Variants in RLN2 observed in about 807,000 individuals in gnomAD.
RLN2 encodes the protein relaxin 2, also known as prorelaxin H2.
Under a neutral mutation model 7.3 loss-of-function variants are expected in RLN2, and 10 were observed. That is an observed-to-expected ratio of 1.36 (90% CI 0.84 to 2.31). The LOEUF (loss-of-function observed/expected upper bound fraction) is 2.31. RLN2 is among the 30% of genes most tolerant of loss of function. The pLI, the probability that RLN2 is intolerant of heterozygous loss-of-function variation, is 0.00. For synonymous variants in RLN2, 103 were observed against 82.3 expected, an observed-to-expected ratio of 1.25 and a Z score of -1.36; for missense variants, 298 against 217.6, an observed-to-expected ratio of 1.37 and a Z score of -2.32.
the RLN2 span, among the ~76,000 whole-genome samples, chr9:5,324,051 T>C: frequency 6.6e-6 from 1 of 151,602 alleles, no homozygotes; most frequent in Non-Finnish European, 1.5e-5. Flanking sequence ...TGTCTCAAAA[T>C]AAATAAATAA....
At position 5,300,334 on chromosome 9, in the gene RLN2, C is replaced by T. The variant is rs750540850; in HGVS notation, c.322G>A (p.Ala108Thr). The part of the protein sequence containing the change: ...LKLTLSEMQP[A>T]LPQLQQHVPV... ...ACATGTTGTTGTAGCTGTGGTAATG[C>T]TGGCTGCATCTCAGACAGGGTTAAC... Residue 108 changes from alanine to threonine, a missense_variant, in exon 2 of 2, where the codon GCA becomes ACA. Coordinates refer to ENST00000381627, the MANE Select transcript of RLN2 (RefSeq NM_134441.3). 2 of 1,613,818 alleles carry T rather than the reference C, an allele frequency of 1.2e-6. No homozygotes were observed. The highest frequency in any genetic ancestry group is 1.7e-6 in the Non-Finnish European group (2 of 1,179,780).
chr9:5,309,019 T>C (rs1330725881), upstream of RLN2, among the ~76,000 whole-genome samples: 1 of 152,092 alleles, frequency 6.6e-6, no homozygotes, highest in African/African-American at 2.4e-5. Flanking sequence ...CCTGTAATTC[T>C]ATGTAATTAA....
At chr9:5,324,673 A>T in the RLN2 span, among the ~76,000 whole-genome samples, 49 of 152,198 alleles carry the variant, frequency 3.2e-4, no homozygotes, top group East Asian at 4.6e-3. Flanking sequence ...AAAAGCACTG[A>T]GTAAAATAAT....
chr9:5,321,675 G>C, the RLN2 span, among the ~76,000 whole-genome samples: 1 of 151,362 alleles, frequency 6.6e-6, no homozygotes, highest in Non-Finnish European at 1.5e-5. Context: ...AGGGAAGAGG[G>C]AGGGAGGGAA....
the RLN2 span, chr9:5,311,379 C>A: frequency 2.2e-6 from 1 of 462,904 alleles, no homozygotes; most frequent in Non-Finnish European, 4.0e-6. Context: ...GGAAAACAGC[C>A]GGGGCTCTCA....
At chr9:5,337,182 T>A in the RLN2 span, among the ~76,000 whole-genome samples, 1 of 152,016 alleles carries the variant, frequency 6.6e-6, no homozygotes, top group Non-Finnish European at 1.5e-5. Context: ...TAAAAACGTC[T>A]CTGTGCTCCA....
chr9:5,333,514 G>T, the RLN2 span, among the ~76,000 whole-genome samples: 1 of 151,958 alleles, frequency 6.6e-6, no homozygotes, highest in Non-Finnish European at 1.5e-5. Context: ...TTCTGAAATT[G>T]AGGCAGTAAT....
chr9:5,328,473 T>A, the RLN2 span, among the ~76,000 whole-genome samples: 10 of 151,936 alleles, frequency 6.6e-5, no homozygotes, highest in African/African-American at 2.2e-4. Context: ...TGGAACCAAG[T>A]TAGAAAACAC....
At chr9:5,321,541 C>G in the RLN2 span, among the ~76,000 whole-genome samples, 1 of 151,668 alleles carries the variant, frequency 6.6e-6, no homozygotes, top group African/African-American at 2.4e-5. Context: ...TCCCAATCAC[C>G]TTAGATAAGT....
chr9:5,327,572 C>A, the RLN2 span, among the ~76,000 whole-genome samples: 2 of 152,058 alleles, frequency 1.3e-5, no homozygotes, highest in Non-Finnish European at 2.9e-5. Flanking sequence ...GCACGGCATT[C>A]GAGCTTTGGG....
the RLN2 span, among the ~76,000 whole-genome samples, chr9:5,317,956 C>T: frequency 6.6e-6 from 1 of 151,074 alleles, no homozygotes; most frequent in Non-Finnish European, 1.5e-5. Context: ...AATCGTACGA[C>T]CCTTTTGGAA....
the RLN2 span, among the ~76,000 whole-genome samples, chr9:5,328,369 G>C: frequency 4.1e-3 from 629 of 152,076 alleles, 11 homozygotes; most frequent in African/African-American, 0.014. Flanking sequence ...AGAAAAAAGA[G>C]TGAAAAGAAA....
At chr9:5,305,402 CAGAGAGAG>C (rs3834385), upstream of RLN2, among the ~76,000 whole-genome samples, 27 of 112,256 alleles carry the variant, frequency 2.4e-4, no homozygotes, top group African/African-American at 7.4e-4. Context: ...CACACACACA[CAGAGAGAG>C]AGAGAGAGAG....
chr9:5,305,474 G>C (rs1816232010), upstream of RLN2, among the ~76,000 whole-genome samples: 1 of 149,878 alleles, frequency 6.7e-6, no homozygotes, highest in Non-Finnish European at 1.5e-5. Context: ...AGAATATTTT[G>C]GTAACAAATT....
At chr9:5,300,904 A>C (rs1816110022) in intron 1 of RLN2, among the ~76,000 whole-genome samples, 1 of 152,212 alleles carries the variant, frequency 6.6e-6, no homozygotes. Context: ...TAAGCTATTG[A>C]ATATTTCATG....
At chr9:5,306,089 T>C (rs987805246), upstream of RLN2, among the ~76,000 whole-genome samples, 2 of 149,748 alleles carry the variant, frequency 1.3e-5, no homozygotes, top group Non-Finnish European at 3.0e-5. Context: ...TTTCCAGGGA[T>C]TTCTTTGTTT....
chr9:5,316,393 C>T, the RLN2 span, among the ~76,000 whole-genome samples: 2 of 151,170 alleles, frequency 1.3e-5, no homozygotes, highest in Non-Finnish European at 3.0e-5. Context: ...GCTGCACCAT[C>T]AACCCGATAT....
intron 1 of RLN2, among the ~76,000 whole-genome samples, chr9:5,300,794 GTCATTT>G (rs945263005): frequency 6.6e-6 from 1 of 152,104 alleles, no homozygotes; most frequent in African/African-American, 2.4e-5. Context: ...ACAGCTAGTG[GTCATTT>G]TCTTGGATTC....
chr9:5,313,896 A>T, the RLN2 span, among the ~76,000 whole-genome samples: 1 of 152,012 alleles, frequency 6.6e-6, no homozygotes. Flanking sequence ...GGCCACATAG[A>T]CAACAGAAGG....
Sources: allele counts gnomAD v4.1 joint callset (sites outside exome capture counted in the v4.1 genomes callset), GRCh38; gene constraint gnomAD v4.1.1; transcripts MANE v1.5; gene names NCBI Gene and HGNC (gene_info 2026-07-23, HGNC 2026-07-21).